Variants in RNF125 observed in about 807,000 individuals in gnomAD.
The protein encoded by RNF125 is ring finger protein 125, also known as E3 ubiquitin-protein ligase RNF125.
Under a neutral mutation model 26.0 loss-of-function variants are expected in RNF125, and 21 were observed. The observed-to-expected ratio is 0.81, with a 90% CI of 0.57 to 1.16. The LOEUF (loss-of-function observed/expected upper bound fraction) is 1.16. RNF125 is among the 50% of genes most tolerant of loss of function. The pLI is 0.00. For missense variants in RNF125, 270 were observed against 299.4 expected, an observed-to-expected ratio of 0.90 and a Z score of 0.72; for synonymous variants, 95 against 109.2, an observed-to-expected ratio of 0.87 and a Z score of 0.81.
At chr18:32,022,979 A>ATTAT (rs891148307) in intron 1 of RNF125, among the ~76,000 whole-genome samples, 4 of 151,824 alleles carry the variant, frequency 2.6e-5, no homozygotes, top group South Asian at 2.1e-4. Flanking sequence ...CTTTATTTTT[A>ATTAT]TTATTTATTT....
chr18:32,018,919 C>A lies in RNF125; in HGVS notation c.56C>A (p.Ala19Glu). 3 of 1,609,882 alleles carry A rather than the reference C, an allele frequency of 1.9e-6. No homozygotes were observed. Residue 19 changes from alanine (A) to glutamate (E), a missense_variant, in exon 1 of 6, where the codon GCG becomes GAG. Physicochemically the swap from Ala to Glu is moderately radical, Grantham distance 107. Coordinates refer to ENST00000217740, the MANE Select transcript of RNF125 (RefSeq NM_017831.4). ...AAATCGGCGCCCGCCTCTGCCACCG[C>A]GCGGGCCCTGGAGCGCAGGAGGGAC... The part of the protein sequence containing the change: ...SGKSAPASAT[A>E]RALERRRDPE...
chr18:32,034,900 CAAAAA>C (rs10674977), intron 1 of RNF125, among the ~76,000 whole-genome samples: 2 of 113,746 alleles, frequency 1.8e-5, no homozygotes, highest in Admixed American at 9.9e-5. Context: ...AACTCCATCT[CAAAAA>C]AAAAAAAAAA....
chr18:32,085,371 AGCAGAGAG>A, the RNF125 span, among the ~76,000 whole-genome samples: 454 of 103,436 alleles, frequency 4.4e-3, 3 homozygotes, highest in African/African-American at 0.018. Context: ...CACTGCCAGA[AGCAGAGAG>A]AGAGAGAGAG....
chr18:32,056,253 C>T (rs1426940334), intron 4 of RNF125, among the ~76,000 whole-genome samples: 4 of 151,858 alleles, frequency 2.6e-5, no homozygotes, highest in Non-Finnish European at 5.9e-5. Flanking sequence ...ACTGACTCCT[C>T]GTAAATCTAG....
chr18:32,033,127 T>C (rs1285400397), intron 1 of RNF125, among the ~76,000 whole-genome samples: 6 of 152,202 alleles, frequency 3.9e-5, no homozygotes, highest in African/African-American at 1.2e-4. Flanking sequence ...TAACCAATTA[T>C]TGGGGGCCAG....
At chr18:32,075,085 C>T (rs1456480941), downstream of RNF125, among the ~76,000 whole-genome samples, 1 of 152,178 alleles carries the variant, frequency 6.6e-6, no homozygotes, top group Non-Finnish European at 1.5e-5. Flanking sequence ...TTCCTGGGCC[C>T]TCTCCAGATG....
chr18:32,026,208 A>G (rs929359058), intron 1 of RNF125, among the ~76,000 whole-genome samples: 7 of 148,594 alleles, frequency 4.7e-5, no homozygotes, highest in Non-Finnish European at 8.9e-5. Context: ...TTAAATATGC[A>G]AGCAGCAAAC....
chr18:32,086,378 C>T, the RNF125 span, among the ~76,000 whole-genome samples: 499 of 142,686 alleles, frequency 3.5e-3, 1 homozygote, highest in African/African-American at 0.013. Flanking sequence ...TTTTCTGAGA[C>T]AGGTTCTCTG....
chr18:32,088,581 C>T, the RNF125 span, among the ~76,000 whole-genome samples: 1 of 152,194 alleles, frequency 6.6e-6, no homozygotes, highest in African/African-American at 2.4e-5. Flanking sequence ...CAGCTCACTG[C>T]AACTTCTGCC....
chr18:32,051,546 C>A (rs971491167), intron 4 of RNF125, among the ~76,000 whole-genome samples: 1 of 138,100 alleles, frequency 7.2e-6, no homozygotes, highest in African/African-American at 2.7e-5. Context: ...ACCCAGGAAG[C>A]GGAGGTTGCA....
chr18:32,040,939 A>G (rs1020994852), intron 2 of RNF125, among the ~76,000 whole-genome samples: 38 of 152,182 alleles, frequency 2.5e-4, no homozygotes, highest in African/African-American at 8.9e-4. Flanking sequence ...TTAGGTGGAT[A>G]TTTGTAAAGC....
rs764377082 is a variant in RNF125, at chr18:32,045,624, A to G, written c.414-18A>G. Reference sequence around the variant, plus strand: ...TGCCAACCATTTTAATATTATTTGTATTCTGTGCTATTTCCAGGTGTGTAT... The same window carrying G: ...TGCCAACCATTTTAATATTATTTGTGTTCTGTGCTATTTCCAGGTGTGTAT... On this transcript the variant is annotated intron_variant, in intron 3 of 5. Transcript: ENST00000217740. 1 of 1,534,110 alleles carries G rather than the reference A, an allele frequency of 6.5e-7. No homozygotes were observed. The highest frequency in any genetic ancestry group is 8.9e-7 in the Non-Finnish European group (1 of 1,119,472).
In RNF125 at chr18:32,069,586, G is replaced by A. The variant is rs565254131; in HGVS notation, c.*1202G>A. 7 of 152,180 alleles carry A rather than the reference G, an allele frequency of 4.6e-5. No homozygotes were observed. The highest frequency in any genetic ancestry group is 2.1e-4 in the South Asian group (1 of 4,824). 9.4% of individuals were successfully genotyped at this position (152,180 alleles called of 1,614,324 possible). A position where few individuals can be genotyped will look rare whatever the true frequency, so the allele number is the denominator to read the frequency against. On this transcript the variant is annotated 3_prime_UTR_variant, in exon 6 of 6. Coordinates refer to ENST00000217740, the MANE Select transcript of RNF125 (RefSeq NM_017831.4). ...TTTAGGACTCAGCCAGTCACCCCACGTGTCCTTTTTGTGTCCTGTCACAAT... is the reference window on the plus strand; with the variant it reads ...TTTAGGACTCAGCCAGTCACCCCACATGTCCTTTTTGTGTCCTGTCACAAT...
chr18:32,089,287 C>T, the RNF125 span, among the ~76,000 whole-genome samples: 135 of 152,262 alleles, frequency 8.9e-4, 1 homozygote, highest in Non-Finnish European at 1.2e-4. Context: ...AGAGAACTTG[C>T]AGATTTCAGG....
At chr18:32,084,942 T>C in the RNF125 span, among the ~76,000 whole-genome samples, 1 of 152,178 alleles carries the variant, frequency 6.6e-6, no homozygotes, top group Non-Finnish European at 1.5e-5. Context: ...AAAGATAAAT[T>C]CCTTCATTTT....
At chr18:32,055,976 T>A (rs1389023227) in intron 4 of RNF125, among the ~76,000 whole-genome samples, 4 of 26,832 alleles carry the variant, frequency 1.5e-4, no homozygotes, top group East Asian at 2.1e-3. Context: ...TGAAACTCCA[T>A]CTCAAAAAAA....
intron 4 of RNF125, among the ~76,000 whole-genome samples, chr18:32,048,939 C>T (rs1254480924): frequency 2.0e-5 from 3 of 152,196 alleles, no homozygotes; most frequent in African/African-American, 7.2e-5. Context: ...ATTTTCTTGT[C>T]TCCTAGCAAC....
intron 2 of RNF125, among the ~76,000 whole-genome samples, chr18:32,038,697 T>C (rs1384625015): frequency 1.3e-5 from 2 of 152,188 alleles, no homozygotes; most frequent in Non-Finnish European, 2.9e-5. Context: ...TTCTAGATTT[T>C]ATCTTAAATG....
chr18:32,089,928 A>G, the RNF125 span, among the ~76,000 whole-genome samples: 4 of 152,194 alleles, frequency 2.6e-5, no homozygotes, highest in African/African-American at 9.6e-5. Flanking sequence ...GTCAGAATGA[A>G]TGAAATGAGT....
Sources: gnomAD v4.1 joint callset for allele counts (sites outside exome capture counted in the v4.1 genomes callset) on GRCh38, gnomAD v4.1.1 for gene constraint, MANE v1.5 for transcripts, NCBI Gene and HGNC (gene_info 2026-07-23, HGNC 2026-07-21) for gene names.